The following CFDP1 variants were observed in gnomAD, a reference collection of about 807,000 sequenced individuals.
CFDP1 encodes heterochromatin-stabilizing protein CFDP1.
CFDP1 carries 31 observed loss-of-function variants against 40.1 expected under a neutral mutation model. The ratio of observed to expected loss-of-function variants is 0.77; its 90% CI spans 0.58 to 1.04. The LOEUF is 1.04. Among genes scored for constraint, CFDP1 ranks in the 50% least tolerant of loss-of-function variants. The pLI is 0.00. For missense variants in CFDP1, 423 were observed against 343.4 expected (o/e 1.23, Z -1.83); for synonymous variants, 167 against 120.0 (o/e 1.39, Z -2.56).
chr16:75,372,271 GAA>G (rs1567660312), intron 5 of CFDP1: 1 of 152,080 alleles, frequency 6.6e-6, no homozygotes, highest in East Asian at 1.9e-4. Context: ...TAATCAAAAA[GAA>G]AAACTCATCA....
chr16:75,370,810 C>T (rs1297657443), intron 5 of CFDP1, among the ~76,000 whole-genome samples: 2 of 152,006 alleles, frequency 1.3e-5, no homozygotes, highest in African/African-American at 4.8e-5. Flanking sequence ...TGCAATGAGC[C>T]AAGATCATAC....
chr16:75,426,088 T>C (rs1049063747), intron 1 of CFDP1, among the ~76,000 whole-genome samples: 19 of 134,108 alleles, frequency 1.4e-4, no homozygotes, highest in Admixed American at 2.4e-4. Context: ...CTGTGGCTTA[T>C]GCCTATAATC....
rs745774792 is a variant in CFDP1, at chr16:75,303,400, A to AATAAATGAATGTATGTATGTATGTATGT, written c.809+1623_809+1624insACATACATACATACATACATTCATTTAT. The stretch of plus-strand genomic sequence containing the variant: ...AAATAAATAAATAAATAAATAAATA[A>AATAAATGAATGTATGTATGTATGTATGT]ATGTATGTATGTATGTATGTATGTA... On this transcript the variant is annotated intron_variant, in intron 6 of 6. Coordinates refer to ENST00000283882, the MANE Select transcript of CFDP1 (RefSeq NM_006324.3). 8.2e-3 allele frequency among the ~76,000 whole-genome samples: 1,205 copies of AATAAATGAATGTATGTATGTATGTATGT among 146,176 alleles called. 19 individuals carry two copies. The highest frequency in any genetic ancestry group is 0.026 in the African/African-American group (1,023 of 38,854).
At chr16:75,367,484 A>T (rs2078723085) in intron 5 of CFDP1, among the ~76,000 whole-genome samples, 1 of 151,712 alleles carries the variant, frequency 6.6e-6, no homozygotes, top group Non-Finnish European at 1.5e-5. Flanking sequence ...GGGAGAGATA[A>T]AATGAGACTT....
At chr16:75,312,976 G>C (rs1170152515) in intron 5 of CFDP1, among the ~76,000 whole-genome samples, 3 of 152,122 alleles carry the variant, frequency 2.0e-5, no homozygotes, top group Non-Finnish European at 4.4e-5. Flanking sequence ...TTTTTCTCTG[G>C]GACAAGCTAA....
chr16:75,316,960 G>A (rs1395879822), intron 5 of CFDP1, among the ~76,000 whole-genome samples: 2 of 151,980 alleles, frequency 1.3e-5, no homozygotes, highest in Non-Finnish European at 2.9e-5. Flanking sequence ...CAGCCTGGGC[G>A]ACAAGAGTGA....
At chr16:75,318,096 G>A (rs945818092) in intron 5 of CFDP1, among the ~76,000 whole-genome samples, 4 of 151,964 alleles carry the variant, frequency 2.6e-5, no homozygotes, top group African/African-American at 4.8e-5. Context: ...ACTCCAGCGC[G>A]CCACTGCACT....
chr16:75,409,503 A>AGGTGTTTGTT, intron 4 of CFDP1: 1 of 152,198 alleles, frequency 6.6e-6, no homozygotes, highest in East Asian at 1.9e-4. Context: ...TTGTTTTTCT[A>AGGTGTTTGTT]GTAATTCCTT....
intron 4 of CFDP1, among the ~76,000 whole-genome samples, chr16:75,405,103 T>A (rs2079087119): frequency 6.6e-6 from 1 of 152,156 alleles, no homozygotes; most frequent in Admixed American, 6.5e-5. Flanking sequence ...ACTCAAGACA[T>A]GAGCAGTGGG....
At chr16:75,318,316 C>G (rs1191507158) in intron 5 of CFDP1, among the ~76,000 whole-genome samples, 3 of 152,030 alleles carry the variant, frequency 2.0e-5, no homozygotes. Context: ...ACTAAGTCAA[C>G]AGGACAAAGC....
chr16:75,356,672 C>T (rs761030485), intron 5 of CFDP1, among the ~76,000 whole-genome samples: 2 of 152,096 alleles, frequency 1.3e-5, no homozygotes, highest in Non-Finnish European at 2.9e-5. Flanking sequence ...TTGACTTCTC[C>T]TTCCGAGCTA....
At chr16:75,397,192 G>A (rs938865962) in intron 4 of CFDP1, among the ~76,000 whole-genome samples, 1 of 151,700 alleles carries the variant, frequency 6.6e-6, no homozygotes, top group Non-Finnish European at 1.5e-5. Flanking sequence ...GGGATTACAG[G>A]CGTGAGCCAC....
At chr16:75,317,531 G>T (rs1370560277) in intron 5 of CFDP1, among the ~76,000 whole-genome samples, 1 of 151,656 alleles carries the variant, frequency 6.6e-6, no homozygotes, top group Non-Finnish European at 1.5e-5. Context: ...CTTTGCCCCT[G>T]AGGTGCGAAC....
At position 75,412,688 on chromosome 16, in the gene CFDP1, C is replaced by T; in HGVS notation, c.249G>A (p.Glu83=). The T allele has an allele frequency of 6.2e-7, 1 of 1,614,134 alleles. No homozygotes were observed. Among genetic ancestry groups the T allele is most frequent in the Middle Eastern group, 1.6e-4 (1 of 6,062 alleles). Residue 83 remains glutamate (E), a synonymous_variant, in exon 3 of 7, where the codon GAG becomes GAA. Coordinates refer to ENST00000283882, the MANE Select transcript of CFDP1 (RefSeq NM_006324.3). ...EEEEDANSES[E]GSSSEEEDDA... Reference sequence around the variant, plus strand: ...CATCTTCCTCCTCACTACTGCTTCCCTCAGATTCTGAATTGGCATCCTCCT... The same window carrying T: ...CATCTTCCTCCTCACTACTGCTTCCTTCAGATTCTGAATTGGCATCCTCCT...
intron 4 of CFDP1, among the ~76,000 whole-genome samples, chr16:75,406,268 C>A (rs1012424804): frequency 6.6e-6 from 1 of 151,830 alleles, no homozygotes; most frequent in Non-Finnish European, 1.5e-5. Flanking sequence ...TCCCAGGTAT[C>A]AGGGAGGCTG....
intron 5 of CFDP1, among the ~76,000 whole-genome samples, chr16:75,389,676 A>C (rs1461573558): frequency 6.6e-6 from 1 of 150,928 alleles, no homozygotes; most frequent in East Asian, 1.9e-4. Context: ...AAATGAAAAA[A>C]GTCTGTGGGA....
At chr16:75,306,902 C>CACACACAT (rs1555552534) in intron 5 of CFDP1, among the ~76,000 whole-genome samples, 68 of 149,612 alleles carry the variant, frequency 4.5e-4, no homozygotes, top group African/African-American at 1.4e-3. Context: ...CACACACACA[C>CACACACAT]GCACACACAC....
intron 4 of CFDP1, among the ~76,000 whole-genome samples, chr16:75,402,675 AAGG>A (rs2079065686): frequency 6.6e-6 from 1 of 152,206 alleles, no homozygotes; most frequent in Non-Finnish European, 1.5e-5. Flanking sequence ...CAGAGAGAAA[AAGG>A]AGAATAATGA....
intron 4 of CFDP1, among the ~76,000 whole-genome samples, chr16:75,408,246 T>C (rs8046697): frequency 0.52 from 78,490 of 151,356 alleles, 21,304 homozygotes; most frequent in Admixed American, 0.64. Flanking sequence ...AATGAAACTT[T>C]TTTAAAATGT....
Sources: allele counts gnomAD v4.1 joint callset (sites outside exome capture counted in the v4.1 genomes callset), GRCh38; gene constraint gnomAD v4.1.1; transcripts MANE v1.5; gene names NCBI Gene and HGNC (gene_info 2026-07-23, HGNC 2026-07-21).